The following THBS2 variants were observed in gnomAD, a reference collection of about 807,000 sequenced individuals.
THBS2 encodes the protein thrombospondin-2.
Under a neutral mutation model 135.2 loss-of-function variants are expected in THBS2, and 47 were observed. The ratio of observed to expected loss-of-function variants is 0.35; its 90% CI spans 0.28 to 0.44. The LOEUF (loss-of-function observed/expected upper bound fraction) is 0.44. Among genes scored for constraint, THBS2 ranks in the 20% least tolerant of loss-of-function variants. The probability of loss-of-function intolerance (pLI) is 1.00; values close to 1 mark genes in which losing one functional copy is unlikely to be tolerated. For synonymous variants in THBS2, 639 were observed against 633.8 expected (o/e 1.01, Z -0.12); for missense variants, 1,288 against 1,603.1 (o/e 0.80, Z 3.36).
intron 7 of THBS2, chr6:169,239,388 C>T (rs944390174): frequency 1.0e-5 from 6 of 577,606 alleles, no homozygotes; most frequent in African/African-American, 9.4e-5. Context: ...CCTTCCCACC[C>T]CCGCGTTCCC....
intron 8 of THBS2, 99 bp from the exon 9 acceptor site, chr6:169,237,445 T>C (rs1187075041): frequency 6.6e-7 from 1 of 1,525,582 alleles, no homozygotes; most frequent in Non-Finnish European, 9.0e-7. Flanking sequence ...TCACAGCTGC[T>C]GAGGAGAGGG....
intron 9 of THBS2, among the ~76,000 whole-genome samples, chr6:169,236,226 C>T (rs1290348259): frequency 1.7e-5 from 2 of 115,612 alleles, no homozygotes; most frequent in South Asian, 3.3e-4. Flanking sequence ...CACACTCACT[C>T]CCCATCCACA....
intron 1 of THBS2, chr6:169,251,920 C>T (rs1342759250): frequency 1.3e-5 from 2 of 151,510 alleles, no homozygotes; most frequent in Non-Finnish European, 2.9e-5. Flanking sequence ...AGCAGCACGG[C>T]CTGCGGCCGG....
intron 2 of THBS2, among the ~76,000 whole-genome samples, chr6:169,249,261 G>C (rs898103847): frequency 1.3e-5 from 2 of 152,092 alleles, no homozygotes; most frequent in Admixed American, 6.5e-5. Context: ...AAGGTAAATC[G>C]GTGGAGACAG....
At chr6:169,246,908 C>G (rs1780571658) in intron 3 of THBS2, among the ~76,000 whole-genome samples, 1 of 152,220 alleles carries the variant, frequency 6.6e-6, no homozygotes, top group Non-Finnish European at 1.5e-5. Context: ...TACCATACAC[C>G]ATTGTGATTC....
Position 169,248,923 on chromosome 6 carries a change from T to C in THBS2, c.103A>G (p.Ile35Val), listed in dbSNP as rs751119587. 1.2e-6 allele frequency: 2 copies of C among 1,613,496 alleles called. No individual in the cohort carries two copies. The highest frequency in any genetic ancestry group is 1.7e-6 in the Non-Finnish European group (2 of 1,179,874). Reference sequence around the variant, plus strand: ...TTGGCGCCAATGGTCTTGCGGTTGATGTTGCTGATACTGAAAAGGTCGAAG... The same window carrying C: ...TTGGCGCCAATGGTCTTGCGGTTGACGTTGCTGATACTGAAAAGGTCGAAG... ...TTFDLFSISN[I>V]NRKTIGAKQF... The change falls in exon 3 of 22, where the codon ATC becomes GTC. Residue 35 changes from isoleucine to valine, a missense_variant. Around this residue, in one of 2 missense-constraint regions of THBS2, gnomAD observed 414 missense variants for 447.0 expected, o/e 0.93. Transcript: ENST00000617924.
rs1780796664 is a variant in THBS2, at chr6:169,252,717, G to A, written c.-23+1007C>T. On this transcript the variant is annotated intron_variant, in intron 1 of 21. Transcript: ENST00000617924. This position sits in a 1 kb window ranked among gnomAD's most constrained non-coding sequence, Gnocchi z 4.3. ...ACCGGGCATGCATGGATGGAGCCAC[G>A]GATGAGCCAGTGCCGCTCACCCCTG... Among the ~76,000 whole-genome samples the A allele has an allele frequency of 6.6e-6, 1 of 152,152 alleles. No individual in the cohort carries two copies. Among genetic ancestry groups the A allele is most frequent in the Admixed American group, 6.5e-5 (1 of 15,282 alleles).
At chr6:169,223,124 G>A (rs900937750) in intron 18 of THBS2, 124 bp downstream of exon 18, 5 of 853,236 alleles carry the variant, frequency 5.9e-6, no homozygotes, top group Non-Finnish European at 9.0e-6. Context: ...ACCATGGAAG[G>A]ATGGGGGCTT....
rs1583422434 is a variant in THBS2 at position 169,248,656 on chromosome 6, G to T, written c.370C>A (p.Leu124Met). The change falls in exon 3 of 22, where the codon CTG becomes ATG. Residue 124 changes from leucine (L) to methionine (M), a missense_variant. This residue lies in a region of THBS2 where 414 missense variants were observed against 447.0 expected (regional missense o/e 0.93). Transcript: ENST00000617924. The stretch of plus-strand genomic sequence containing the variant: ...CCGTCAATCCAGTAGGTGAGATCCA[G>T]CGTGTCCGCGGGGCCGTTGGAGACG... ...EIVSNGPADTLDLTYWIDGTR... is the reference protein window; with the variant it reads ...EIVSNGPADTMDLTYWIDGTR... 1 of 1,614,054 alleles carries T rather than the reference G, an allele frequency of 6.2e-7. No individual in the cohort carries two copies. The highest frequency in any genetic ancestry group is 2.2e-5 in the East Asian group (1 of 44,824).
chr6:169,237,160 C>G lies in THBS2; in HGVS notation c.1477+10G>C, dbSNP rs1157661217. On this transcript the variant is annotated intron_variant, in intron 9 of 21. Transcript: ENST00000617924. Reference sequence around the variant, plus strand: ...CCGCCCACCCAGGGCCCCGCCTTCACCGTACTTACTTGGGCATGGGGCGCC... The same window carrying G: ...CCGCCCACCCAGGGCCCCGCCTTCAGCGTACTTACTTGGGCATGGGGCGCC... 1 of 1,598,490 alleles carries G rather than the reference C, an allele frequency of 6.3e-7. No homozygotes were observed. Among genetic ancestry groups the G allele is most frequent in the Non-Finnish European group, 8.5e-7 (1 of 1,176,086 alleles).
At chr6:169,221,670 T>C in intron 19 of THBS2, 143 bp from the exon 20 acceptor site, 1 of 714,300 alleles carries the variant, frequency 1.4e-6, no homozygotes, top group South Asian at 1.7e-5. Context: ...CTGATGTGTT[T>C]ATCATCCAAA....
intron 9 of THBS2, among the ~76,000 whole-genome samples, chr6:169,236,255 T>C (rs1780057869): frequency 9.6e-6 from 1 of 103,888 alleles, no homozygotes; most frequent in Admixed American, 1.1e-4. Flanking sequence ...CCATCCACAT[T>C]CACTCCCATC....
At chr6:169,242,619 TCCCACCTTCCC>T (rs1780359259) in intron 4 of THBS2, among the ~76,000 whole-genome samples, 2 of 45,920 alleles carry the variant, frequency 4.4e-5, no homozygotes, top group South Asian at 1.1e-3. Flanking sequence ...TTCCCACCGC[TCCCACCTTCCC>T]ACCACTCCCA....
At position 169,234,827 on chromosome 6, in the gene THBS2, C is replaced by A; in HGVS notation, c.1558G>T (p.Val520Phe). ...TACTGAGGCTCAGGGCTGTTGCAGA[C>A]CCGGGTGCGCTCCCGGATCCCACCG... ...CAGGIRERTR[V>F]CNSPEPQYGG... Residue 520 changes from valine (V) to phenylalanine (F), a missense_variant, in exon 10 of 22, where the codon GTC becomes TTC. Physicochemically the swap from Val to Phe is conservative, Grantham distance 50. Coordinates refer to ENST00000617924, the MANE Select transcript of THBS2 (RefSeq NM_003247.5). 1 of 1,613,354 alleles carries A rather than the reference C, an allele frequency of 6.2e-7. No homozygotes were observed.
chr6:169,248,690 C>T lies in THBS2; in HGVS notation c.336G>A (p.Gln112=), dbSNP rs1191797119. 6.2e-7 allele frequency: 1 copy of T among 1,613,794 alleles called. No homozygotes were observed. Among genetic ancestry groups the T allele is most frequent in the Non-Finnish European group, 8.5e-7 (1 of 1,179,932 alleles). ...ALEGPGLSQR[Q]FEIVSNGPAD... is the part of the protein sequence containing the mutation. ...CGGGGCCGTTGGAGACGATCTCGAA[C>T]TGCCTCTGGGAGAGACCGGGGCCCT... The change falls in exon 3 of 22, where the codon CAG becomes CAA. Residue 112 remains glutamine (Q), a synonymous_variant. Coordinates refer to ENST00000617924, the MANE Select transcript of THBS2 (RefSeq NM_003247.5).
At chr6:169,233,053 GC>G in intron 10 of THBS2, 36 bp from the exon 11 acceptor site, 2 of 1,493,692 alleles carry the variant, frequency 1.3e-6, no homozygotes, top group Non-Finnish European at 1.8e-6. Flanking sequence ...TTCACCACGC[GC>G]CCTGCGCAGC....
intron 15 of THBS2, among the ~76,000 whole-genome samples, chr6:169,227,462 C>T (rs1779676095): frequency 6.6e-6 from 1 of 152,146 alleles, no homozygotes; most frequent in Admixed American, 6.5e-5. Context: ...CCTAGAAGCT[C>T]AGTTTGATGA....
At chr6:169,245,726 A>T (rs971273691) in intron 4 of THBS2, among the ~76,000 whole-genome samples, 2 of 148,894 alleles carry the variant, frequency 1.3e-5, no homozygotes, top group Non-Finnish European at 3.0e-5. Flanking sequence ...CAGGAGGCAG[A>T]GCTTGCAGTG....
At chr6:169,218,712 CAGGT>C (rs964070739) in intron 21 of THBS2, among the ~76,000 whole-genome samples, 3 of 98,642 alleles carry the variant, frequency 3.0e-5, no homozygotes, top group African/African-American at 8.5e-5. Context: ...ATGGATGAGA[CAGGT>C]GGATGGATGG....
Sources: gnomAD v4.1 joint callset for allele counts (sites outside exome capture counted in the v4.1 genomes callset) on GRCh38, gnomAD v4.1.1 for gene constraint, gnomAD v4.1.1 regional missense constraint, Gnocchi (gnomAD v3.1) non-coding constraint, MANE v1.5 for transcripts, NCBI Gene and HGNC (gene_info 2026-07-23, HGNC 2026-07-21) for gene names.